Variants in CACNA2D1 observed in about 807,000 individuals in gnomAD.
CACNA2D1 encodes the protein voltage-dependent calcium channel subunit alpha-2/delta-1.
In CACNA2D1, 53 loss-of-function variants were observed where a neutral mutation model predicts 171.5. That is an observed-to-expected ratio of 0.31 (90% CI 0.25 to 0.39). CACNA2D1 has a LOEUF of 0.39. Among genes scored for constraint, CACNA2D1 ranks in the 10% least tolerant of loss-of-function variants. CACNA2D1 has a pLI of 1.00. For missense variants in CACNA2D1, 903 were observed against 1,299.8 expected, an observed-to-expected ratio of 0.69 and a Z score of 4.69; for synonymous variants, 442 against 443.1, an observed-to-expected ratio of 1.00 and a Z score of 0.03.
At chr7:82,333,521 C>A (rs1345457507) in intron 3 of CACNA2D1, among the ~76,000 whole-genome samples, 2 of 151,992 alleles carry the variant, frequency 1.3e-5, no homozygotes. Context: ...GGGAATTCCC[C>A]TTTATAAAAC....
At chr7:81,999,423 C>A (rs1044011005) in intron 18 of CACNA2D1, among the ~76,000 whole-genome samples, 4 of 152,042 alleles carry the variant, frequency 2.6e-5, no homozygotes, top group Non-Finnish European at 5.9e-5. Flanking sequence ...TTCTCATTTG[C>A]AAAATTTGGT....
intron 18 of CACNA2D1, among the ~76,000 whole-genome samples, chr7:82,001,911 T>G (rs145519502): frequency 1.3e-5 from 2 of 151,844 alleles, no homozygotes; most frequent in East Asian, 3.9e-4. Context: ...GAATACAAAC[T>G]GTTACATTTT....
intron 11 of CACNA2D1, among the ~76,000 whole-genome samples, chr7:82,034,524 T>C (rs1165380012): frequency 1.3e-5 from 2 of 152,120 alleles, no homozygotes; most frequent in African/African-American, 4.8e-5. Flanking sequence ...TCAACATGGC[T>C]GTTATCTTTG....
At position 82,434,279 on chromosome 7, in the gene CACNA2D1, A is replaced by G. The variant is rs115748778; in HGVS notation, c.95+9086T>C. 2.5e-3 allele frequency among the ~76,000 whole-genome samples: 376 copies of G among 152,284 alleles called. 2 individuals carry two copies. The highest frequency in any genetic ancestry group is 8.6e-3 in the African/African-American group (358 of 41,554). On this transcript the variant is annotated intron_variant, in intron 1 of 38. Coordinates refer to ENST00000356860, the MANE Select transcript of CACNA2D1 (RefSeq NM_000722.4). ...TCTCTTTTTGGTTTAAGATAGTCCT[A>G]TGGTTTTGTACAATCTACAATCCCA...
intron 3 of CACNA2D1, among the ~76,000 whole-genome samples, chr7:82,319,303 A>G (rs1815519626): frequency 6.6e-6 from 1 of 152,204 alleles, no homozygotes; most frequent in African/African-American, 2.4e-5. Context: ...TTTCATTTCA[A>G]TGGATACAAT....
At chr7:82,133,868 C>T (rs986276266) in intron 5 of CACNA2D1, among the ~76,000 whole-genome samples, 10 of 152,046 alleles carry the variant, frequency 6.6e-5, no homozygotes, top group African/African-American at 2.2e-4. Flanking sequence ...GTCAGGAGAT[C>T]GAGACCATCC....
chr7:82,134,051 C>A (rs144248401), intron 5 of CACNA2D1, among the ~76,000 whole-genome samples: 1 of 150,102 alleles, frequency 6.7e-6, no homozygotes, highest in Non-Finnish European at 1.5e-5. Flanking sequence ...CCAGCCTGGG[C>A]GACAGAGCGA....
At chr7:82,434,565 C>T (rs1829963066) in intron 1 of CACNA2D1, among the ~76,000 whole-genome samples, 1 of 152,128 alleles carries the variant, frequency 6.6e-6, no homozygotes, top group Admixed American at 6.5e-5. Flanking sequence ...TGTTGATCCC[C>T]TCTATGTGTC....
chr7:82,143,656 T>C (rs982900685), intron 4 of CACNA2D1, among the ~76,000 whole-genome samples: 11 of 152,132 alleles, frequency 7.2e-5, no homozygotes. Flanking sequence ...CTTATACGCA[T>C]CCTGTCCACC....
At chr7:82,419,215 T>C (rs1828479170) in intron 1 of CACNA2D1, among the ~76,000 whole-genome samples, 1 of 152,126 alleles carries the variant, frequency 6.6e-6, no homozygotes, top group African/African-American at 2.4e-5. Flanking sequence ...TCTGTAATTG[T>C]ACCTCTCTGA....
In CACNA2D1 at chr7:82,411,334, T is replaced by C. The variant is rs188619069; in HGVS notation, c.95+32031A>G. ...TGTCTATATAGTCCAGAACAGGTGA[T>C]TTATTAACTGCTCAATACTTCAGTG... On this transcript the variant is annotated intron_variant, in intron 1 of 38. Coordinates refer to ENST00000356860, the MANE Select transcript of CACNA2D1 (RefSeq NM_000722.4). Among the ~76,000 whole-genome samples, 137 of 152,324 alleles carry C rather than the reference T, an allele frequency of 9.0e-4. 1 individual carries two copies. Among genetic ancestry groups the C allele is most frequent in the Non-Finnish European group, 1.0e-4 (7 of 68,032 alleles).
At chr7:82,349,509 T>C in intron 2 of CACNA2D1, 59 bp downstream of exon 2, 2 of 1,279,844 alleles carry the variant, frequency 1.6e-6, no homozygotes, top group Middle Eastern at 2.1e-4. Context: ...TCCTAGAAGA[T>C]AGAACTGCAT....
intron 1 of CACNA2D1, among the ~76,000 whole-genome samples, chr7:82,403,773 G>C (rs1490852890): frequency 6.6e-6 from 1 of 152,192 alleles, no homozygotes; most frequent in African/African-American, 2.4e-5. Flanking sequence ...AGCAATCCCA[G>C]TGTCCTCCTC....
intron 1 of CACNA2D1, among the ~76,000 whole-genome samples, chr7:82,392,350 C>T (rs1465160278): frequency 6.6e-6 from 1 of 152,210 alleles, no homozygotes; most frequent in East Asian, 1.9e-4. Flanking sequence ...CCTCATGTCC[C>T]CTTTCTGCTG....
chr7:81,962,296 A>C, intron 35 of CACNA2D1, 144 bp downstream of exon 35: 1 of 740,436 alleles, frequency 1.4e-6, no homozygotes, highest in South Asian at 1.6e-5. Flanking sequence ...AGGTTGGACA[A>C]AAAGTTTCTA....
chr7:82,059,864 G>T (rs577313594), intron 10 of CACNA2D1, among the ~76,000 whole-genome samples: 82 of 146,818 alleles, frequency 5.6e-4, no homozygotes, highest in African/African-American at 1.8e-3. Context: ...GATGAAGCTG[G>T]AAACCATCAT....
intron 10 of CACNA2D1, among the ~76,000 whole-genome samples, chr7:82,056,515 G>A (rs1805926809): frequency 6.6e-6 from 1 of 152,054 alleles, no homozygotes; most frequent in Non-Finnish European, 1.5e-5. Context: ...TGTACTGCTT[G>A]CAAAATAGGC....
At chr7:82,324,353 CA>C (rs796381675) in intron 3 of CACNA2D1, among the ~76,000 whole-genome samples, 359 of 77,158 alleles carry the variant, frequency 4.7e-3, no homozygotes, top group Middle Eastern at 0.016. Context: ...AGCCAAACTC[CA>C]AAAAAAAAAA....
At position 81,965,801 on chromosome 7, in the gene CACNA2D1, T is replaced by C; in HGVS notation, c.2503-136A>G. On this transcript the variant is annotated intron_variant, in intron 31 of 38. Coordinates refer to ENST00000356860, the MANE Select transcript of CACNA2D1 (RefSeq NM_000722.4). ...GCCTATCTTCTCTTGAACATATATG[T>C]TCATTAAATTCTGGTGAAATAAAGG... 6.1e-6 allele frequency: 4 copies of C among 661,102 alleles called. No individual in the cohort carries two copies. The South Asian group carries it at 6.6e-5, about 11-fold the overall frequency. 41.0% of individuals were successfully genotyped at this position (661,102 alleles called of 1,614,324 possible). A position where few individuals can be genotyped will look rare whatever the true frequency, so the allele number is the denominator to read the frequency against.
Sources: gnomAD v4.1 joint callset for allele counts (sites outside exome capture counted in the v4.1 genomes callset) on GRCh38, gnomAD v4.1.1 for gene constraint, MANE v1.5 for transcripts, NCBI Gene and HGNC (gene_info 2026-07-23, HGNC 2026-07-21) for gene names.